The following ANTXR1 variants were observed in gnomAD, a reference collection of about 807,000 sequenced individuals.
ANTXR1 encodes the protein ANTXR cell adhesion molecule 1, also known as anthrax toxin receptor 1.
A neutral mutation model predicts 78.1 loss-of-function variants in ANTXR1; 19 were observed. The ratio of observed to expected loss-of-function variants is 0.24; its 90% confidence interval spans 0.17 to 0.36. The LOEUF is 0.36. ANTXR1 is among the 10% of genes least tolerant of loss of function. ANTXR1 has a pLI of 1.00. For missense variants in ANTXR1, 518 were observed against 718.6 expected (o/e 0.72, Z 3.19); for synonymous variants, 273 against 260.5 (o/e 1.05, Z -0.46).
intron 16 of ANTXR1, among the ~76,000 whole-genome samples, chr2:69,190,504 A>G (rs1028823722): frequency 2.6e-5 from 4 of 152,232 alleles, no homozygotes; most frequent in African/African-American, 9.6e-5. Flanking sequence ...ATCATAGGTA[A>G]CATTTAATGA....
At chr2:69,021,053 G>A (rs1431077350) in intron 1 of ANTXR1, among the ~76,000 whole-genome samples, 12 of 152,140 alleles carry the variant, frequency 7.9e-5, no homozygotes, top group Non-Finnish European at 1.5e-4. Context: ...TTGGGAAAGG[G>A]GCCAAGTAAA....
At chr2:69,218,184 GAA>G (rs900286589) in intron 17 of ANTXR1, among the ~76,000 whole-genome samples, 8 of 152,164 alleles carry the variant, frequency 5.3e-5, no homozygotes, top group Non-Finnish European at 5.9e-5. Flanking sequence ...GAAAACTGCA[GAA>G]AAGTCACCCC....
Position 69,013,711 on chromosome 2 carries a change from C to T in ANTXR1, c.152+60C>T. The T allele has an allele frequency of 1.3e-6, 2 of 1,550,756 alleles. No individual in the cohort carries two copies. The highest frequency in any genetic ancestry group is 1.7e-6 in the Non-Finnish European group (2 of 1,146,462). On this transcript the variant is annotated intron_variant, in intron 1 of 17. Coordinates refer to ENST00000303714, the MANE Select transcript of ANTXR1 (RefSeq NM_032208.3). The surrounding 1 kb of genome is among the most constrained non-coding windows in gnomAD (Gnocchi z 5.0). Reference sequence around the variant, plus strand: ...TAAGCGGGCGAAAACGCTTTCGCCCCGGGCCGGGCTCGTTGGCAGGGTCGC... The same window carrying T: ...TAAGCGGGCGAAAACGCTTTCGCCCTGGGCCGGGCTCGTTGGCAGGGTCGC...
intron 17 of ANTXR1, among the ~76,000 whole-genome samples, chr2:69,215,667 T>G (rs1339871899): frequency 1.3e-5 from 2 of 152,210 alleles, no homozygotes; most frequent in African/African-American, 4.8e-5. Context: ...TTATTTGTAC[T>G]CAATATTTGC....
intron 12 of ANTXR1, among the ~76,000 whole-genome samples, chr2:69,134,399 G>A (rs1191374556): frequency 6.6e-6 from 1 of 152,132 alleles, no homozygotes; most frequent in Non-Finnish European, 1.5e-5. Flanking sequence ...AGGCTCAAAG[G>A]AACAGTTTCT....
At chr2:69,136,373 C>G (rs1254498073) in intron 12 of ANTXR1, among the ~76,000 whole-genome samples, 4 of 152,110 alleles carry the variant, frequency 2.6e-5, no homozygotes, top group African/African-American at 9.7e-5. Flanking sequence ...TTAAAAAAAG[C>G]AGTCATGTAC....
chr2:69,180,085 G>C (rs529237015), intron 14 of ANTXR1, among the ~76,000 whole-genome samples: 26 of 152,330 alleles, frequency 1.7e-4, no homozygotes, highest in African/African-American at 6.3e-4. Context: ...TTTTAAAGAA[G>C]ACTGCCCATC....
chr2:69,137,783 C>CAA (rs1277649788), intron 12 of ANTXR1, among the ~76,000 whole-genome samples: 7,336 of 86,916 alleles, frequency 0.084, 269 homozygotes, highest in African/African-American at 0.11. Flanking sequence ...GACCCTGTCT[C>CAA]AAAAAAAAAA....
chr2:69,038,317 C>T (rs988945129), intron 1 of ANTXR1, among the ~76,000 whole-genome samples: 1 of 152,146 alleles, frequency 6.6e-6, no homozygotes, highest in Non-Finnish European at 1.5e-5. Context: ...AATATTAAAT[C>T]CCCAGTATAA....
intron 10 of ANTXR1, among the ~76,000 whole-genome samples, chr2:69,113,867 T>C (rs1361334856): frequency 1.3e-5 from 2 of 152,250 alleles, no homozygotes; most frequent in African/African-American, 4.8e-5. Context: ...TTTTAAGTGC[T>C]GCAGTTATTC....
chr2:69,230,782 C>T (rs1470893668), intron 17 of ANTXR1, among the ~76,000 whole-genome samples: 2 of 152,182 alleles, frequency 1.3e-5, no homozygotes, highest in Non-Finnish European at 2.9e-5. Flanking sequence ...AGCCCTTTCT[C>T]ACCAACATAA....
chr2:69,146,164 G>C (rs1056201322), intron 12 of ANTXR1: 28 of 985,138 alleles, frequency 2.8e-5, no homozygotes, highest in Non-Finnish European at 3.1e-5. Context: ...CCTTAATAGC[G>C]GGCCTCTGTG....
intron 10 of ANTXR1, among the ~76,000 whole-genome samples, chr2:69,115,842 G>T (rs1251476640): frequency 6.6e-6 from 1 of 152,184 alleles, no homozygotes; most frequent in Non-Finnish European, 1.5e-5. Flanking sequence ...GTGAGCGAGG[G>T]TATGGGCCAT....
intron 1 of ANTXR1, among the ~76,000 whole-genome samples, chr2:69,030,607 C>A (rs1229816606): frequency 6.6e-6 from 1 of 152,100 alleles, no homozygotes; most frequent in East Asian, 1.9e-4. Context: ...TGTATCTCAG[C>A]AGAATCTGAA....
At chr2:69,048,684 TTC>T (rs1669846661) in intron 3 of ANTXR1, among the ~76,000 whole-genome samples, 2 of 152,204 alleles carry the variant, frequency 1.3e-5, no homozygotes, top group Non-Finnish European at 2.9e-5. Context: ...TTCTATTCTG[TTC>T]TGTTTTTCTG....
intron 1 of ANTXR1, among the ~76,000 whole-genome samples, chr2:69,016,947 A>G (rs984930763): frequency 1.3e-5 from 2 of 152,204 alleles, no homozygotes; most frequent in Non-Finnish European, 2.9e-5. Context: ...ATAGGATTCT[A>G]TGAAGCACAT....
Position 69,245,735 on chromosome 2 carries a change from C to A in ANTXR1, c.*250C>A. 4.1e-6 allele frequency: 2 copies of A among 490,570 alleles called. No homozygotes were observed. Among genetic ancestry groups the A allele is most frequent in the Non-Finnish European group, 7.2e-6 (2 of 279,188 alleles). 30.4% of individuals were successfully genotyped at this position (490,570 alleles called of 1,614,324 possible). ...AGCCATCTATCACCTCTAGAAGGTT[C>A]CAGAGACAGTGAAACTGCAAGATGC... On this transcript the variant is annotated 3_prime_UTR_variant, in exon 18 of 18. Coordinates refer to ENST00000303714, the MANE Select transcript of ANTXR1 (RefSeq NM_032208.3).
intron 13 of ANTXR1, among the ~76,000 whole-genome samples, chr2:69,164,199 G>A (rs980238117): frequency 1.3e-5 from 2 of 152,166 alleles, no homozygotes; most frequent in African/African-American, 4.8e-5. Flanking sequence ...GGTATAGGTG[G>A]TATCTAATAA....
intron 13 of ANTXR1, among the ~76,000 whole-genome samples, chr2:69,161,541 C>T (rs2104441712): frequency 6.6e-6 from 1 of 152,328 alleles, no homozygotes; most frequent in Non-Finnish European, 1.5e-5. Context: ...CCACCCCAAT[C>T]AGTCATGAGG....
Sources: gnomAD v4.1 joint callset for allele counts (sites outside exome capture counted in the v4.1 genomes callset) on GRCh38, gnomAD v4.1.1 for gene constraint, Gnocchi (gnomAD v3.1) non-coding constraint, MANE v1.5 for transcripts, NCBI Gene and HGNC (gene_info 2026-07-23, HGNC 2026-07-21) for gene names.